The following ZFAT variants were observed in gnomAD, a reference collection of about 807,000 sequenced individuals.
ZFAT encodes zinc finger protein ZFAT.
In ZFAT, 64 loss-of-function variants were observed where a neutral mutation model predicts 117.7. The observed-to-expected ratio is 0.54, with a 90% CI of 0.44 to 0.67. The LOEUF (loss-of-function observed/expected upper bound fraction) is 0.67, where lower values mean the gene tolerates loss of function less well. Ranked by LOEUF, ZFAT falls within the 30% of genes least tolerant of loss-of-function variation. The pLI is 0.00. For synonymous variants in ZFAT, 679 were observed against 615.0 expected (o/e 1.10, Z -1.54); for missense variants, 1,433 against 1,584.5 (o/e 0.90, Z 1.62).
At chr8:134,625,646 A>G (rs992309048) in intron 3 of ZFAT, among the ~76,000 whole-genome samples, 1 of 152,220 alleles carries the variant, frequency 6.6e-6, no homozygotes, top group African/African-American at 2.4e-5. Context: ...TTGGTGCCCA[A>G]CAATAGCACA....
At chr8:134,671,666 T>C (rs990214006) in intron 1 of ZFAT, among the ~76,000 whole-genome samples, 10 of 152,204 alleles carry the variant, frequency 6.6e-5, no homozygotes, top group African/African-American at 2.4e-4. Context: ...GGGCAAAAAC[T>C]GGAAGCATTC....
chr8:134,555,789 T>C (rs376519460), intron 11 of ZFAT, among the ~76,000 whole-genome samples: 1 of 149,898 alleles, frequency 6.7e-6, no homozygotes, highest in East Asian at 1.9e-4. Flanking sequence ...CTGAAGTAAC[T>C]AGAACAAATA....
At chr8:134,686,038 C>T (rs549085245) in intron 1 of ZFAT, among the ~76,000 whole-genome samples, 10 of 152,332 alleles carry the variant, frequency 6.6e-5, no homozygotes, top group African/African-American at 1.9e-4. Flanking sequence ...CGCTGCCCTT[C>T]CTAGGTGGAG....
At chr8:134,682,792 G>T (rs1462926976) in intron 1 of ZFAT, among the ~76,000 whole-genome samples, 2 of 152,228 alleles carry the variant, frequency 1.3e-5, no homozygotes, top group Non-Finnish European at 2.9e-5. Flanking sequence ...TCCCTCCCCT[G>T]TAAGGCCCTT....
Position 134,583,977 on chromosome 8 carries a change from A to G in ZFAT, c.2742T>C (p.Cys914=), listed in dbSNP as rs1490066905. 2 of 1,560,568 alleles carry G rather than the reference A, an allele frequency of 1.3e-6. No individual in the cohort carries two copies. Among genetic ancestry groups the G allele is most frequent in the South Asian group, 2.4e-5 (2 of 84,780 alleles). Residue 914 remains cysteine (C), a synonymous_variant, in exon 10 of 16, where the codon TGT becomes TGC. Coordinates refer to ENST00000377838, the MANE Select transcript of ZFAT (RefSeq NM_020863.4). ...TACTCTTGCTACGAGTTGCATACTCACACAAAGAACACTTGAAGGGCTTCA... is the reference window on the plus strand; with the variant it reads ...TACTCTTGCTACGAGTTGCATACTCGCACAAAGAACACTTGAAGGGCTTCA... ...EGVKPFKCSL[C]EYATRSKSNL...
chr8:134,482,174 C>T (rs925830816), intron 15 of ZFAT, among the ~76,000 whole-genome samples: 3 of 152,178 alleles, frequency 2.0e-5, no homozygotes, highest in Non-Finnish European at 2.9e-5. Flanking sequence ...TCTTCTCTGA[C>T]CCCCCGGGCA....
chr8:134,490,795 C>T (rs1817997253), intron 15 of ZFAT, among the ~76,000 whole-genome samples: 1 of 152,206 alleles, frequency 6.6e-6, no homozygotes, highest in African/African-American at 2.4e-5. Flanking sequence ...CTCACCCTTT[C>T]AGAAGTCTGA....
In ZFAT at chr8:134,607,071, A is replaced by G. The variant is rs1827945789; in HGVS notation, c.785+1658T>C. 2.0e-5 allele frequency among the ~76,000 whole-genome samples: 3 copies of G among 152,246 alleles called. No homozygotes were observed. The South Asian group carries it at 6.2e-4, about 31-fold the overall frequency. On this transcript the variant is annotated intron_variant, in intron 5 of 15. Coordinates refer to ENST00000377838, the MANE Select transcript of ZFAT (RefSeq NM_020863.4). ...GCACAATAAAATATTAATAGAATGC[A>G]TGACAACAAAAATATAGCCTAGATC...
intron 10 of ZFAT, among the ~76,000 whole-genome samples, chr8:134,567,450 ACCATCCATCCATCCATCCATCCAT>A (rs35445440): frequency 6.9e-6 from 1 of 145,534 alleles, no homozygotes; most frequent in Non-Finnish European, 1.5e-5. Context: ...AACCCTACCA[ACCATCCATCCATCCATCCATCCAT>A]CCATCCATCC....
At chr8:134,645,698 T>A (rs1336217862) in intron 2 of ZFAT, among the ~76,000 whole-genome samples, 2 of 152,226 alleles carry the variant, frequency 1.3e-5, no homozygotes, top group Non-Finnish European at 2.9e-5. Context: ...CTGTTTTAAC[T>A]CCTCTGAGTC....
chr8:134,739,523 G>A, the ZFAT span, among the ~76,000 whole-genome samples: 1 of 152,124 alleles, frequency 6.6e-6, no homozygotes, highest in African/African-American at 2.4e-5. Flanking sequence ...GAGGATAAAA[G>A]CAAGCCCATG....
chr8:134,783,417 T>G, the ZFAT span, among the ~76,000 whole-genome samples: 680 of 152,218 alleles, frequency 4.5e-3, 7 homozygotes, highest in African/African-American at 0.014. Context: ...ACACTCCTTA[T>G]GAGAATCTAA....
chr8:134,676,902 A>G (rs1832832840), intron 1 of ZFAT, among the ~76,000 whole-genome samples: 1 of 152,212 alleles, frequency 6.6e-6, no homozygotes, highest in Non-Finnish European at 1.5e-5. Context: ...AACCAATGAG[A>G]ACAAAGACAC....
Position 134,583,777 on chromosome 8 carries a change from T to C in ZFAT, c.2887+55A>G. 1.9e-6 allele frequency: 3 copies of C among 1,584,958 alleles called. No individual in the cohort carries two copies. The Admixed American group carries it at 5.2e-5, about 28-fold the overall frequency. ...AGCAAGTTTCTGACAAACTGGAACA[T>C]CAGCTTCAAACCACACATTTAGAGG... is the stretch of plus-strand genomic sequence containing the variant. On this transcript the variant is annotated intron_variant, in intron 10 of 15. Transcript: ENST00000377838.
the ZFAT span, among the ~76,000 whole-genome samples, chr8:134,736,373 G>T: frequency 6.6e-6 from 1 of 152,084 alleles, no homozygotes; most frequent in African/African-American, 2.4e-5. Context: ...GAGGTTTCGG[G>T]GATGCAACCA....
intron 1 of ZFAT, among the ~76,000 whole-genome samples, chr8:134,663,774 A>G (rs957297910): frequency 6.6e-6 from 1 of 152,190 alleles, no homozygotes; most frequent in Admixed American, 6.5e-5. Flanking sequence ...TGTATTTTCT[A>G]CAATGAGTCT....
chr8:134,685,471 G>A (rs1198835820), intron 1 of ZFAT, among the ~76,000 whole-genome samples: 1 of 152,192 alleles, frequency 6.6e-6, no homozygotes, highest in African/African-American at 2.4e-5. Context: ...AAGTAGCTAC[G>A]TGGAGAAGGG....
chr8:134,683,165 G>A (rs1234984878), intron 1 of ZFAT, among the ~76,000 whole-genome samples: 2 of 152,162 alleles, frequency 1.3e-5, no homozygotes, highest in Non-Finnish European at 2.9e-5. Flanking sequence ...GGCTCCCTTG[G>A]GGGCATGGAG....
rs954545732 is a variant in ZFAT at position 134,580,318 on chromosome 8, C to G, written c.2887+3514G>C. On this transcript the variant is annotated intron_variant, in intron 10 of 15. Coordinates refer to ENST00000377838, the MANE Select transcript of ZFAT (RefSeq NM_020863.4). Reference sequence around the variant, plus strand: ...GTTATTACTCATACCACAAATACAACTAAAACCAAATAATTCCAGGCAGGC... The same window carrying G: ...GTTATTACTCATACCACAAATACAAGTAAAACCAAATAATTCCAGGCAGGC... Among the ~76,000 whole-genome samples, 9 of 152,218 alleles carry G rather than the reference C, an allele frequency of 5.9e-5. 1 individual carries two copies. Among genetic ancestry groups the G allele is most frequent in the Non-Finnish European group, 1.0e-4 (7 of 68,040 alleles).
Sources: gnomAD v4.1 joint callset for allele counts (sites outside exome capture counted in the v4.1 genomes callset) on GRCh38, gnomAD v4.1.1 for gene constraint, MANE v1.5 for transcripts, NCBI Gene and HGNC (gene_info 2026-07-23, HGNC 2026-07-21) for gene names.